Variants in GDI2 observed in about 807,000 individuals in gnomAD.
The protein encoded by GDI2 is rab GDP dissociation inhibitor beta.
In GDI2, 22 loss-of-function variants were observed where a neutral mutation model predicts 54.2. The ratio of observed to expected loss-of-function variants is 0.41; its 90% CI spans 0.29 to 0.58. The LOEUF (loss-of-function observed/expected upper bound fraction) is 0.58. Among genes scored for constraint, GDI2 ranks in the 20% least tolerant of loss-of-function variants. The pLI is 0.35. For missense variants in GDI2, 422 were observed against 546.0 expected (o/e 0.77, Z 2.26); for synonymous variants, 177 against 182.1 (o/e 0.97, Z 0.23).
chr10:5,783,835 G>A (rs1049001669), intron 6 of GDI2, among the ~76,000 whole-genome samples: 4 of 152,106 alleles, frequency 2.6e-5, no homozygotes, highest in African/African-American at 9.7e-5. Context: ...TTCCTTTATA[G>A]GTTACCTGAG....
chr10:5,811,919 G>C lies in GDI2; in HGVS notation c.45+1295C>G, dbSNP rs1340996100. ...AATAAAAGTTCGAAGGTTTTCTCTT[G>C]CCTAGAGACATCTAAAAGTGTTATT... On this transcript the variant is annotated intron_variant, in intron 1 of 10. Transcript: ENST00000380191. The C allele has an allele frequency of 3.4e-6, 4 of 1,174,336 alleles. No individual in the cohort carries two copies. The South Asian group carries it at 5.5e-5, about 16-fold the overall frequency. 72.7% of individuals were successfully genotyped at this position (1,174,336 alleles called of 1,614,324 possible). A position where few individuals can be genotyped will look rare whatever the true frequency, so the allele number is the denominator to read the frequency against.
intron 3 of GDI2, 76 bp from the exon 4 acceptor site, chr10:5,795,095 C>G: frequency 1.1e-6 from 1 of 927,978 alleles, no homozygotes; most frequent in South Asian, 1.5e-5. Context: ...CTAACAGCTT[C>G]TAAAATTTTT....
chr10:5,775,916 C>T (rs776435503), intron 6 of GDI2, among the ~76,000 whole-genome samples: 8 of 152,144 alleles, frequency 5.3e-5, no homozygotes, highest in Non-Finnish European at 1.2e-4. Context: ...GAGGTTGTTG[C>T]TCCCTCTGCG....
At chr10:5,795,357 A>G (rs11594846) in intron 3 of GDI2, among the ~76,000 whole-genome samples, 14,137 of 152,022 alleles carry the variant, frequency 0.093, 785 homozygotes, top group East Asian at 0.15. Context: ...CCTAAGCTCA[A>G]ACAATCCACC....
chr10:5,786,789 C>T (rs1175778815), intron 4 of GDI2, among the ~76,000 whole-genome samples: 3 of 152,160 alleles, frequency 2.0e-5, no homozygotes, highest in South Asian at 2.1e-4. Context: ...AAGATACAAC[C>T]GGGCACTTAA....
chr10:5,794,599 G>T (rs1379794835), intron 4 of GDI2, among the ~76,000 whole-genome samples: 1 of 152,068 alleles, frequency 6.6e-6, no homozygotes, highest in Admixed American at 6.6e-5. Context: ...TAGCTATTAT[G>T]AATTACTGTG....
At chr10:5,811,635 C>T (rs1427521294) in intron 1 of GDI2, among the ~76,000 whole-genome samples, 3 of 145,646 alleles carry the variant, frequency 2.1e-5, no homozygotes, top group Non-Finnish European at 4.5e-5. Flanking sequence ...CTAAGCTCAG[C>T]TTGGAATCCC....
chr10:5,777,197 G>GC (rs1840643292), intron 6 of GDI2, among the ~76,000 whole-genome samples: 2 of 152,138 alleles, frequency 1.3e-5, no homozygotes, highest in African/African-American at 4.8e-5. Context: ...GTTATGCCAG[G>GC]CACGGTGGCT....
intron 1 of GDI2, chr10:5,811,908 G>T: frequency 1.7e-6 from 2 of 1,168,974 alleles, no homozygotes; most frequent in Non-Finnish European, 2.3e-6. Context: ...AAAGTTCGAA[G>T]GTTTTCTCTT....
intron 7 of GDI2, among the ~76,000 whole-genome samples, chr10:5,770,963 CAAAAAAAAAAAAA>C (rs59686031): frequency 2.2e-5 from 1 of 46,394 alleles, no homozygotes; most frequent in Non-Finnish European, 3.8e-5. Context: ...GAGACTGTCT[CAAAAAAAAAAAAA>C]AAAAAAAAAA....
chr10:5,801,769 G>A (rs1293869003), intron 1 of GDI2, among the ~76,000 whole-genome samples: 1 of 152,140 alleles, frequency 6.6e-6, no homozygotes, highest in Non-Finnish European at 1.5e-5. Context: ...CCAGCACTTC[G>A]GGAGGCCGAG....
At position 5,773,954 on chromosome 10, in the gene GDI2, T is replaced by G. The variant is rs1360708858; in HGVS notation, c.720-13A>C. The G allele has an allele frequency of 8.9e-7, 1 of 1,125,988 alleles. No homozygotes were observed. The highest frequency in any genetic ancestry group is 1.3e-6 in the Non-Finnish European group (1 of 756,810). The allele number at this position is 1,125,988 out of a possible 1,614,324, so 69.7% of individuals were successfully genotyped here. On this transcript the variant is annotated splice_polypyrimidine_tract_variant and intron_variant, in intron 6 of 10. Transcript: ENST00000380191. ...AATAGCACTTAGCCTGGAAAATTTT[T>G]AAAATCCCAATTAATAATATATAGT... is the stretch of plus-strand genomic sequence containing the variant.
At chr10:5,809,322 A>G (rs1416142327) in intron 1 of GDI2, among the ~76,000 whole-genome samples, 1 of 152,072 alleles carries the variant, frequency 6.6e-6, no homozygotes, top group Non-Finnish European at 1.5e-5. Context: ...TCCTGCTCAA[A>G]GTCCTCTCTC....
chr10:5,773,369 A>AT (rs910070208), intron 7 of GDI2, among the ~76,000 whole-genome samples: 36 of 150,494 alleles, frequency 2.4e-4, no homozygotes, highest in East Asian at 3.9e-4. Flanking sequence ...TTTCCTTGTG[A>AT]TTTTTTTTTT....
Position 5,813,433 on chromosome 10 carries a change from C to T in GDI2, c.-175G>A. On this transcript the variant is annotated 5_prime_UTR_variant, in exon 1 of 11. Coordinates refer to ENST00000380191, the MANE Select transcript of GDI2 (RefSeq NM_001494.4). ...GCCACCTCAGACGGGAAGAGAAGAA[C>T]TGGGCGGGGAGAGGAGGGGAGGGAG... 1.1e-5 allele frequency: 3 copies of T among 282,244 alleles called. No individual in the cohort carries two copies. The highest frequency in any genetic ancestry group is 2.1e-5 in the Non-Finnish European group (3 of 144,252). 17.5% of individuals were successfully genotyped at this position (282,244 alleles called of 1,614,324 possible).
intron 6 of GDI2, among the ~76,000 whole-genome samples, chr10:5,777,361 T>A: frequency 6.6e-6 from 1 of 152,162 alleles, no homozygotes; most frequent in East Asian, 1.9e-4. Flanking sequence ...AAATCCCAGC[T>A]ACTCAGGAGG....
intron 2 of GDI2, among the ~76,000 whole-genome samples, chr10:5,798,533 G>C (rs147362786): frequency 1.3e-3 from 198 of 151,062 alleles, no homozygotes; most frequent in Middle Eastern, 6.8e-3. Flanking sequence ...AGGTTGCACT[G>C]AGCTAAGATC....
rs1840354550 is a variant in GDI2 at position 5,766,995 on chromosome 10, G to A, written c.992-357C>T. On this transcript the variant is annotated intron_variant, in intron 8 of 10. Coordinates refer to ENST00000380191, the MANE Select transcript of GDI2 (RefSeq NM_001494.4). This position sits in a 1 kb window ranked among gnomAD's most constrained non-coding sequence, Gnocchi z 5.8. ...CTTGCATTTAGAAAGGTTCTGAATG[G>A]CTAAGAAAGGATGTACTTAGTACTG... Among the ~76,000 whole-genome samples, 2 of 152,152 alleles carry A rather than the reference G, an allele frequency of 1.3e-5. No individual in the cohort carries two copies. The highest frequency in any genetic ancestry group is 2.9e-5 in the Non-Finnish European group (2 of 68,026).
chr10:5,779,489 C>T (rs1029664510), intron 6 of GDI2, among the ~76,000 whole-genome samples: 2 of 150,164 alleles, frequency 1.3e-5, no homozygotes, highest in Non-Finnish European at 3.0e-5. Context: ...GCCTGGGTGA[C>T]TCCGTCTCGA....
Sources: gnomAD v4.1 joint callset for allele counts (sites outside exome capture counted in the v4.1 genomes callset) on GRCh38, gnomAD v4.1.1 for gene constraint, Gnocchi (gnomAD v3.1) non-coding constraint, MANE v1.5 for transcripts, NCBI Gene and HGNC (gene_info 2026-07-23, HGNC 2026-07-21) for gene names.